CDK11B: variants seen among roughly 807,000 people sequenced by gnomAD.
The protein encoded by CDK11B is cyclin-dependent kinase 11B.
In CDK11B, 37 loss-of-function variants were observed where a neutral mutation model predicts 84.0. The ratio of observed to expected loss-of-function variants is 0.44; its 90% CI spans 0.34 to 0.58. The LOEUF (loss-of-function observed/expected upper bound fraction) is 0.58. CDK11B is among the 20% of genes least tolerant of loss of function. The pLI, the probability that CDK11B is intolerant of heterozygous loss-of-function variation, is 0.02. For missense variants in CDK11B, 427 were observed against 834.0 expected (o/e 0.51, Z 6.01); for synonymous variants, 269 against 309.8 (o/e 0.87, Z 1.38).
intron 11 of CDK11B, among the ~76,000 whole-genome samples, chr1:1,638,807 A>G (rs1355387962): frequency 2.0e-5 from 3 of 151,986 alleles, no homozygotes. Flanking sequence ...AGTGTGAACA[A>G]AAGGCCATCC....
At chr1:1,638,660 G>A in intron 11 of CDK11B, 70 bp from the exon 12 acceptor site, 1 of 1,357,900 alleles carries the variant, frequency 7.4e-7, no homozygotes, top group Non-Finnish European at 1.1e-6. Context: ...TGCGTCCACA[G>A]GCACGGCACA....
intron 3 of CDK11B, among the ~76,000 whole-genome samples, chr1:1,654,923 G>A (rs1642537928): frequency 6.6e-6 from 1 of 152,040 alleles, no homozygotes; most frequent in African/African-American, 2.4e-5. Flanking sequence ...CTCCCAAAGT[G>A]CTGGGATTAC....
At chr1:1,649,697 G>A (rs1411191518) in intron 4 of CDK11B, 60 bp from the exon 5 acceptor site, 106 of 1,552,710 alleles carry the variant, frequency 6.8e-5, no homozygotes, top group East Asian at 6.3e-4. Context: ...ACATGAAGCC[G>A]GGCACGGAGG....
intron 3 of CDK11B, among the ~76,000 whole-genome samples, chr1:1,655,159 G>A (rs1180711629): frequency 6.6e-6 from 1 of 152,040 alleles, no homozygotes; most frequent in African/African-American, 2.4e-5. Flanking sequence ...GAAAGAAGGG[G>A]CAAGGGTCTG....
At chr1:1,651,581 GCT>G (rs1219543972) in intron 4 of CDK11B, among the ~76,000 whole-genome samples, 3 of 150,956 alleles carry the variant, frequency 2.0e-5, no homozygotes, top group Admixed American at 6.6e-5. Flanking sequence ...GCTGGAGTTT[GCT>G]CTCTCTGGTT....
rs1472664803 is a variant in CDK11B at position 1,640,966 on chromosome 1, C to G, written c.1075+82G>C. The G allele has an allele frequency of 1.2e-5, 19 of 1,598,006 alleles. No individual in the cohort carries two copies. In the East Asian group the frequency reaches 2.7e-4, roughly 23 times the overall value. ...CCAGACCCTGGCGTGCCCCACGCTG[C>G]GCAGGACCGGCTGTCTTAGGAGAGG... On this transcript the variant is annotated intron_variant, in intron 10 of 19. Coordinates refer to ENST00000341832, the MANE Select transcript of CDK11B (RefSeq NM_033486.3).
In CDK11B at chr1:1,658,966, A is replaced by G; in HGVS notation, c.-66T>C. On this transcript the variant is annotated 5_prime_UTR_variant, in exon 1 of 20. Transcript: ENST00000341832. ...GCCGCCGCCGGTCCCGGAGCCAGAG[A>G]AGAAACAGCAACCGGCGCGCGCCAA... is the stretch of plus-strand genomic sequence containing the variant. 1 of 202,010 alleles carries G rather than the reference A, an allele frequency of 5.0e-6. No individual in the cohort carries two copies. The highest frequency in any genetic ancestry group is 1.0e-5 in the Non-Finnish European group (1 of 99,340). 12.5% of individuals were successfully genotyped at this position (202,010 alleles called of 1,614,324 possible). A position where few individuals can be genotyped will look rare whatever the true frequency, so the allele number is the denominator to read the frequency against.
At chr1:1,653,332 T>C (rs1428511633) in intron 3 of CDK11B, among the ~76,000 whole-genome samples, 1 of 152,034 alleles carries the variant, frequency 6.6e-6, no homozygotes, top group South Asian at 2.1e-4. Flanking sequence ...TTTATTTTTA[T>C]TTTTTTCAGA....
rs552462794 is a variant in CDK11B at position 1,648,737 on chromosome 1, T to C, written c.494+762A>G. Among the ~76,000 whole-genome samples the C allele has an allele frequency of 2.6e-5, 4 of 152,236 alleles. No homozygotes were observed. In the South Asian group the frequency reaches 8.3e-4, roughly 32 times the overall value. On this transcript the variant is annotated intron_variant, in intron 5 of 19. Transcript: ENST00000341832. ...GGCCAGGAGTCCTGGGAGTCCAGGGTCCCGAATTCCAGACTGTTTCAAGGT... is the reference window on the plus strand; with the variant it reads ...GGCCAGGAGTCCTGGGAGTCCAGGGCCCCGAATTCCAGACTGTTTCAAGGT...
chr1:1,637,237 T>C lies in CDK11B; in HGVS notation c.1571-35A>G, dbSNP rs372411532. On this transcript the variant is annotated intron_variant, in intron 14 of 19. Transcript: ENST00000341832. ...AGGGAAGCTCCCATGTGGACCTGGC[T>C]GCCCCCAGCCCAGGGCACTCAGGGT... The C allele has an allele frequency of 3.2e-4, 517 of 1,609,502 alleles. 4 individuals carry two copies. Among genetic ancestry groups the C allele is most frequent in the South Asian group, 1.3e-3 (115 of 90,594 alleles).
intron 4 of CDK11B, among the ~76,000 whole-genome samples, chr1:1,652,235 T>C (rs1214907565): frequency 1.0e-3 from 153 of 152,324 alleles, no homozygotes; most frequent in Non-Finnish European, 1.8e-3. Flanking sequence ...TTGCTCTCTC[T>C]GGTTTTCGGT....
intron 14 of CDK11B, 71 bp downstream of exon 14, chr1:1,637,337 C>G (rs1178162839): frequency 6.3e-7 from 1 of 1,576,676 alleles, no homozygotes; most frequent in East Asian, 2.4e-5. Flanking sequence ...CCCTGCAGCA[C>G]TGTCACCGCG....
intron 6 of CDK11B, among the ~76,000 whole-genome samples, chr1:1,644,112 C>T (rs1231402817): frequency 6.6e-6 from 1 of 152,270 alleles, no homozygotes; most frequent in South Asian, 2.1e-4. Context: ...ATTAAAGCAT[C>T]CAAGGGATCC....
rs1459139668 is a variant in CDK11B at position 1,649,486 on chromosome 1, C to G, written c.494+13G>C. ...CCCTTTTATAAAGTCCTCAACTGAC[C>G]CAGCCGACTCACCTTTCTCTCCTGG... On this transcript the variant is annotated intron_variant, in intron 5 of 19. Transcript: ENST00000341832. The G allele has an allele frequency of 2.5e-4, 388 of 1,555,700 alleles. 7 individuals are homozygous for G. The South Asian group carries it at 4.1e-3, about 16-fold the overall frequency.
In CDK11B at chr1:1,639,226, C is replaced by CCACT. The variant is rs1382042028; in HGVS notation, c.1252-640_1252-637dup. Among the ~76,000 whole-genome samples, 3 of 151,876 alleles carry CCACT rather than the reference C, an allele frequency of 2.0e-5. No individual in the cohort carries two copies. In the East Asian group the frequency reaches 5.8e-4, roughly 29 times the overall value. Reference sequence around the variant, plus strand: ...AAAGTGCTGGGATTACAGGTGTGAGCCACTGTGCCCGGTCAAAACTCCTTT... The same window carrying CCACT: ...AAAGTGCTGGGATTACAGGTGTGAGCCACTCACTGTGCCCGGTCAAAACTCCTTT... On this transcript the variant is annotated intron_variant, in intron 11 of 19. Transcript: ENST00000341832.
chr1:1,650,863 T>C (rs2100941966), intron 4 of CDK11B, among the ~76,000 whole-genome samples: 1 of 152,018 alleles, frequency 6.6e-6, no homozygotes, highest in South Asian at 2.1e-4. Flanking sequence ...AGCGTCTAAT[T>C]ATGAAGAAAG....
intron 6 of CDK11B, among the ~76,000 whole-genome samples, chr1:1,643,666 C>T (rs1570100525): frequency 6.9e-6 from 1 of 143,996 alleles, no homozygotes; most frequent in Admixed American, 6.8e-5. Context: ...AACAAGAAAC[C>T]AGAGAGAAAT....
At chr1:1,657,902 TA>T (rs768223103) in intron 1 of CDK11B, among the ~76,000 whole-genome samples, 4,710 of 84,886 alleles carry the variant, frequency 0.055, 3 homozygotes, top group African/African-American at 0.18. Flanking sequence ...AAGACTTGGT[TA>T]AAAAAAAAAA....
intron 4 of CDK11B, among the ~76,000 whole-genome samples, chr1:1,650,711 T>C (rs1309367961): frequency 2.7e-5 from 4 of 147,940 alleles, no homozygotes; most frequent in African/African-American, 1.0e-4. Context: ...TCTCGCTATA[T>C]TGGCCAGGCT....
Sources: gnomAD v4.1 joint callset for allele counts (sites outside exome capture counted in the v4.1 genomes callset) on GRCh38, gnomAD v4.1.1 for gene constraint, MANE v1.5 for transcripts, NCBI Gene and HGNC (gene_info 2026-07-23, HGNC 2026-07-21) for gene names.